The following GLIPR1L2 variants were observed in gnomAD, a reference collection of about 807,000 sequenced individuals.
GLIPR1L2 encodes the protein GLIPR1-like protein 2.
A neutral mutation model predicts 28.4 loss-of-function variants in GLIPR1L2; 21 were observed. The ratio of observed to expected loss-of-function variants is 0.74; its 90% CI spans 0.52 to 1.06. The LOEUF (loss-of-function observed/expected upper bound fraction) is 1.06, where lower values mean the gene tolerates loss of function less well. Among genes scored for constraint, GLIPR1L2 ranks in the 50% least tolerant of loss-of-function variants. The pLI is 0.00. For synonymous variants in GLIPR1L2, 145 were observed against 139.3 expected, an observed-to-expected ratio of 1.04 and a Z score of -0.29; for missense variants, 476 against 416.9, an observed-to-expected ratio of 1.14 and a Z score of -1.23.
intron 1 of GLIPR1L2, among the ~76,000 whole-genome samples, chr12:75,402,664 G>A (rs375670352): frequency 2.6e-5 from 4 of 152,210 alleles, no homozygotes; most frequent in Middle Eastern, 3.4e-3. Flanking sequence ...CCTTGACCTT[G>A]GGCCCTGTCC....
At chr12:75,391,891 T>A (rs943441670) in intron 1 of GLIPR1L2, among the ~76,000 whole-genome samples, 63 of 148,038 alleles carry the variant, frequency 4.3e-4, no homozygotes, top group African/African-American at 1.5e-3. Flanking sequence ...TTTTTTTTTG[T>A]GCCCATTCCA....
intron 4 of GLIPR1L2, chr12:75,423,524 A>G: frequency 1.3e-6 from 1 of 743,080 alleles, no homozygotes; most frequent in Non-Finnish European, 1.6e-6. Flanking sequence ...GCTTAGAGGA[A>G]TATGGTAGGA....
chr12:75,430,519 T>G (rs2046080590), intron 4 of GLIPR1L2, among the ~76,000 whole-genome samples, 196 bp from the exon 5 acceptor site: 1 of 152,228 alleles, frequency 6.6e-6, no homozygotes, highest in Non-Finnish European at 1.5e-5. Flanking sequence ...ATTTCCATAC[T>G]TTCTGTAGCA....
At chr12:75,421,335 T>C (rs1322999529) in intron 3 of GLIPR1L2, among the ~76,000 whole-genome samples, 1 of 152,236 alleles carries the variant, frequency 6.6e-6, no homozygotes, top group African/African-American at 2.4e-5. Flanking sequence ...TGGATGTTCC[T>C]GATAGACTTG....
At chr12:75,400,064 A>G (rs2139923631) in intron 1 of GLIPR1L2, among the ~76,000 whole-genome samples, 1 of 152,354 alleles carries the variant, frequency 6.6e-6, no homozygotes, top group African/African-American at 2.4e-5. Flanking sequence ...GTTCACCCAC[A>G]TAAAAGAATA....
intron 1 of GLIPR1L2, among the ~76,000 whole-genome samples, chr12:75,397,658 A>G (rs546776845): frequency 1.0e-3 from 155 of 152,306 alleles, no homozygotes; most frequent in African/African-American, 3.6e-3. Flanking sequence ...TATTCTCAGC[A>G]TATATAGGCA....
At chr12:75,398,514 C>G (rs34904271) in intron 1 of GLIPR1L2, among the ~76,000 whole-genome samples, 26,818 of 151,808 alleles carry the variant, frequency 0.18, 2,626 homozygotes, top group Admixed American at 0.24. Context: ...TTTGTTGCTT[C>G]AACTTTCTTA....
At chr12:75,424,025 CAT>C (rs1357644458) in intron 4 of GLIPR1L2, 2 of 152,210 alleles carry the variant, frequency 1.3e-5, no homozygotes, top group Non-Finnish European at 2.9e-5. Flanking sequence ...CTGCAATAAA[CAT>C]ATGTTTGCAG....
intron 1 of GLIPR1L2, among the ~76,000 whole-genome samples, chr12:75,396,827 CT>C (rs1470498287): frequency 2.0e-4 from 30 of 152,160 alleles, no homozygotes; most frequent in African/African-American, 7.0e-4. Flanking sequence ...ATCCACTAGT[CT>C]TTTGGTTGTT....
At chr12:75,398,827 G>A (rs1454365363) in intron 1 of GLIPR1L2, among the ~76,000 whole-genome samples, 1 of 152,026 alleles carries the variant, frequency 6.6e-6, no homozygotes, top group East Asian at 1.9e-4. Context: ...TAACCTTTAT[G>A]AGTTTGATAT....
rs375758674 is a variant in GLIPR1L2, at chr12:75,391,123, G to C, written c.7G>C (p.Ala3Pro). ...TGTCAGCGGCCGGTGGACCATGGAG[G>C]CCGCAAGGCCCTTCGCCCGGGAGTG... MEAARPFAREWRA... is the reference protein window; with the variant it reads MEPARPFAREWRA... The change falls in exon 1 of 6, where the codon GCC becomes CCC. Residue 3 changes from alanine (A) to proline (P), a missense_variant. Physicochemically the swap from Ala to Pro is conservative, Grantham distance 27. Coordinates refer to ENST00000550916, the MANE Select transcript of GLIPR1L2 (RefSeq NM_001270396.2). 1 of 1,612,570 alleles carries C rather than the reference G, an allele frequency of 6.2e-7. No individual in the cohort carries two copies. The highest frequency in any genetic ancestry group is 1.1e-5 in the South Asian group (1 of 91,038).
At chr12:75,424,161 T>C (rs894592057) in intron 4 of GLIPR1L2, 1 of 152,244 alleles carries the variant, frequency 6.6e-6, no homozygotes, top group African/African-American at 2.4e-5. Context: ...CCACAATGGT[T>C]GAACTAGTTT....
Position 75,431,295 on chromosome 12 carries a change from T to C in GLIPR1L2, c.*134T>C. On this transcript the variant is annotated 3_prime_UTR_variant, in exon 6 of 6. Coordinates refer to ENST00000550916, the MANE Select transcript of GLIPR1L2 (RefSeq NM_001270396.2). ...AAATATGCAAACCACCATTGGAATGTTTTTTATTCCCTTCTCTCCTATACT... is the reference window on the plus strand; with the variant it reads ...AAATATGCAAACCACCATTGGAATGCTTTTTATTCCCTTCTCTCCTATACT... 1.7e-6 allele frequency: 1 copy of C among 581,188 alleles called. No individual in the cohort carries two copies. The highest frequency in any genetic ancestry group is 3.0e-6 in the Non-Finnish European group (1 of 330,588). 36.0% of individuals were successfully genotyped at this position (581,188 alleles called of 1,614,324 possible).
intron 3 of GLIPR1L2, 49 bp downstream of exon 3, chr12:75,413,750 A>C (rs1179766300): frequency 2.2e-6 from 2 of 926,482 alleles, no homozygotes; most frequent in East Asian, 5.6e-5. Context: ...GAATATTTCA[A>C]GGTGAGTTTT....
rs1056730700 is a variant in GLIPR1L2, at chr12:75,425,974, A to G, written c.670+2985A>G. ...TGTGTATATATACACAGATAAAACT[A>G]TAACTATGGACTCAGTTTCAACATG... On this transcript the variant is annotated intron_variant, in intron 4 of 5. Coordinates refer to ENST00000550916, the MANE Select transcript of GLIPR1L2 (RefSeq NM_001270396.2). Among the ~76,000 whole-genome samples, 9 of 152,342 alleles carry G rather than the reference A, an allele frequency of 5.9e-5. No individual in the cohort carries two copies. The South Asian group carries it at 6.2e-4, about 11-fold the overall frequency.
chr12:75,417,631 G>A (rs11180499), intron 3 of GLIPR1L2, among the ~76,000 whole-genome samples: 25,735 of 151,948 alleles, frequency 0.17, 2,376 homozygotes, highest in Admixed American at 0.23. Flanking sequence ...AAGGAAATAT[G>A]TATGGCATAT....
At position 75,431,123 on chromosome 12, in the gene GLIPR1L2, G is replaced by A. The variant is rs1393814410; in HGVS notation, c.997G>A (p.Glu333Lys). Residue 333 changes from glutamate to lysine, a missense_variant, in exon 6 of 6, where the codon GAA becomes AAA. Physicochemically the swap from Glu to Lys is moderately conservative, Grantham distance 56 (BLOSUM62 1). Coordinates refer to ENST00000550916, the MANE Select transcript of GLIPR1L2 (RefSeq NM_001270396.2). ...EKEEREEEEEETQKEKMEEEE... is the reference protein window; with the variant it reads ...EKEEREEEEEKTQKEKMEEEE... ...AGAAGAGAGAGAGGAGGAGGAGGAG[G>A]AAACACAAAAAGAAAAGATGGAGGA... The A allele has an allele frequency of 3.3e-6, 3 of 913,092 alleles. No individual in the cohort carries two copies. Among genetic ancestry groups the A allele is most frequent in the Admixed American group, 2.2e-5 (1 of 45,318 alleles). The allele number at this position is 913,092 out of a possible 1,614,324, so 56.6% of individuals were successfully genotyped here. A position where few individuals can be genotyped will look rare whatever the true frequency, so the allele number is the denominator to read the frequency against.
intron 3 of GLIPR1L2, among the ~76,000 whole-genome samples, chr12:75,421,981 T>TTTTATTTC (rs4019357): frequency 0.17 from 26,143 of 150,412 alleles, 2,519 homozygotes; most frequent in Admixed American, 0.24. Context: ...TATTTTTAAA[T>TTTTATTTC]TTTATTTCTT....
chr12:75,428,707 A>C (rs2046059684), intron 4 of GLIPR1L2, among the ~76,000 whole-genome samples: 1 of 152,202 alleles, frequency 6.6e-6, no homozygotes, highest in African/African-American at 2.4e-5. Context: ...TTCATGGGCC[A>C]GGCCCAGTCC....
Sources: gnomAD v4.1 joint callset for allele counts (sites outside exome capture counted in the v4.1 genomes callset) on GRCh38, gnomAD v4.1.1 for gene constraint, MANE v1.5 for transcripts, NCBI Gene and HGNC (gene_info 2026-07-23, HGNC 2026-07-21) for gene names.